The following RBFOX2 variants were observed in gnomAD, a reference collection of about 807,000 sequenced individuals.
The protein encoded by RBFOX2 is RNA binding fox-1 homolog 2.
In RBFOX2, 10 loss-of-function variants were observed where a neutral mutation model predicts 49.1. The observed-to-expected ratio is 0.20, with a 90% confidence interval of 0.13 to 0.35. The LOEUF (loss-of-function observed/expected upper bound fraction) is 0.35. Among genes scored for constraint, RBFOX2 ranks in the 10% least tolerant of loss-of-function variants. RBFOX2 has a pLI of 1.00. For missense variants in RBFOX2, 323 were observed against 486.9 expected, an observed-to-expected ratio of 0.66 and a Z score of 3.17; for synonymous variants, 183 against 187.4, an observed-to-expected ratio of 0.98 and a Z score of 0.19.
chr22:36,014,957 G>A (rs74858127), intron 1 of RBFOX2, among the ~76,000 whole-genome samples: 4,523 of 152,284 alleles, frequency 0.03, 106 homozygotes, highest in Non-Finnish European at 0.043. Context: ...AGCCAGCTCA[G>A]AGCTAAAATG....
chr22:35,772,558 G>A (rs369598734), intron 4 of RBFOX2, among the ~76,000 whole-genome samples: 2 of 152,104 alleles, frequency 1.3e-5, no homozygotes, highest in African/African-American at 4.8e-5. Context: ...CCACTGTGCT[G>A]GGCAATGCAG....
intron 1 of RBFOX2, among the ~76,000 whole-genome samples, chr22:35,981,369 G>A (rs1046615042): frequency 7.2e-5 from 11 of 152,220 alleles, no homozygotes; most frequent in African/African-American, 2.2e-4. Context: ...TCAGCCAGGC[G>A]TGGTGGCTCA....
chr22:35,969,265 T>G (rs138867792), intron 1 of RBFOX2, among the ~76,000 whole-genome samples: 1,916 of 151,860 alleles, frequency 0.013, 26 homozygotes, highest in Non-Finnish European at 0.018. Flanking sequence ...AAATTTCCAT[T>G]AATTAAAAAA....
chr22:35,837,011 C>T (rs1314541782), intron 1 of RBFOX2, among the ~76,000 whole-genome samples: 3 of 152,024 alleles, frequency 2.0e-5, no homozygotes, highest in Admixed American at 1.3e-4. Context: ...CATGAACAGC[C>T]GATAAAATTA....
intron 1 of RBFOX2, chr22:35,897,527 C>A (rs978984265): frequency 1.2e-6 from 1 of 826,904 alleles, no homozygotes; most frequent in South Asian, 1.3e-5. Flanking sequence ...GCAAGGGGTA[C>A]GGGAGGAAGT....
At chr22:35,990,938 C>T (rs2057953086) in intron 1 of RBFOX2, among the ~76,000 whole-genome samples, 1 of 152,038 alleles carries the variant, frequency 6.6e-6, no homozygotes, top group Non-Finnish European at 1.5e-5. Flanking sequence ...ATACTAATCT[C>T]TGTAATACAG....
rs971773875 is a variant in RBFOX2 at position 35,818,239 on chromosome 22, T to C, written c.28-8235A>G. ...CCTCAAACATTCATGAATCATGTCT[T>C]CCACTGGCAACAACAGACAGCAAGA... On this transcript the variant is annotated intron_variant, in intron 1 of 11. Coordinates refer to ENST00000405409, the Ensembl canonical transcript of RBFOX2. Among the ~76,000 whole-genome samples, 6 of 152,330 alleles carry C rather than the reference T, an allele frequency of 3.9e-5. No homozygotes were observed. The East Asian group carries it at 1.2e-3, about 29-fold the overall frequency.
intron 1 of RBFOX2, among the ~76,000 whole-genome samples, chr22:35,856,672 A>G (rs1422802599): frequency 6.6e-6 from 1 of 150,910 alleles, no homozygotes; most frequent in East Asian, 1.9e-4. Flanking sequence ...CTTGAGCTGG[A>G]AGGATGAGGA....
chr22:35,988,528 A>G (rs1308167267), intron 1 of RBFOX2, among the ~76,000 whole-genome samples: 1 of 152,176 alleles, frequency 6.6e-6, no homozygotes, highest in African/African-American at 2.4e-5. Flanking sequence ...AAAGATTCCC[A>G]AAGGTTTATT....
In RBFOX2 at chr22:35,810,012, AAAC is replaced by A; in HGVS notation, c.28-11_28-9del. ...TGTCGGCTCCTGGTTACCCTAAAAC[AAAC>A]AACAAGAGAAAGAAAAAGTGACTTT... On this transcript the variant is annotated splice_polypyrimidine_tract_variant and intron_variant, in intron 1 of 11. Transcript: ENST00000405409. 2 of 1,613,342 alleles carry A rather than the reference AAAC, an allele frequency of 1.2e-6. No homozygotes were observed. The highest frequency in any genetic ancestry group is 1.3e-5 in the African/African-American group (1 of 74,992).
chr22:35,756,416 T>G (rs1190535720), intron 9 of RBFOX2, among the ~76,000 whole-genome samples: 1 of 152,146 alleles, frequency 6.6e-6, no homozygotes, highest in Non-Finnish European at 1.5e-5. Flanking sequence ...ATTCACACAA[T>G]AAAAAGCACT....
At chr22:35,831,973 A>G (rs1342255449) in intron 1 of RBFOX2, among the ~76,000 whole-genome samples, 1 of 152,214 alleles carries the variant, frequency 6.6e-6, no homozygotes, top group Non-Finnish European at 1.5e-5. Context: ...TAGTGGAGAG[A>G]AAAACAATAT....
chr22:35,977,722 C>CTATAGATATAGA (rs1289842750), intron 1 of RBFOX2, among the ~76,000 whole-genome samples: 4 of 80,842 alleles, frequency 4.9e-5, no homozygotes, highest in African/African-American at 1.9e-4. Flanking sequence ...CCTGAATGAA[C>CTATAGATATAGA]TATATATATA....
At position 35,889,006 on chromosome 22, in the gene RBFOX2, T is replaced by C. The variant is rs563377923; in HGVS notation, c.-34+49841A>G. Among the ~76,000 whole-genome samples, 164 of 151,968 alleles carry C rather than the reference T, an allele frequency of 1.1e-3. 1 individual carries two copies. Among genetic ancestry groups the C allele is most frequent in the African/African-American group, 3.8e-3 (156 of 41,410 alleles). On this transcript the variant is annotated intron_variant, in intron 1 of 13. Transcript: ENST00000359369. Reference sequence around the variant, plus strand: ...TCCATATCTATTAAAAATACAAAAATTAGCTCGGCGTGGTGTGGGTGCCTG... The same window carrying C: ...TCCATATCTATTAAAAATACAAAAACTAGCTCGGCGTGGTGTGGGTGCCTG...
At chr22:35,984,817 C>T (rs1186795492) in intron 1 of RBFOX2, among the ~76,000 whole-genome samples, 3 of 152,154 alleles carry the variant, frequency 2.0e-5, no homozygotes, top group Non-Finnish European at 4.4e-5. Context: ...ACACCCTTAC[C>T]CAGTCTGCAT....
Position 35,888,440 on chromosome 22 carries a change from C to T in RBFOX2, c.-34+50407G>A, listed in dbSNP as rs369060753. On this transcript the variant is annotated intron_variant, in intron 1 of 13. Transcript: ENST00000359369. ...TGGTCTAGTCTACTACATACCTAGGCTATACAATACAGCCCATTGCTCTAG... is the reference window on the plus strand; with the variant it reads ...TGGTCTAGTCTACTACATACCTAGGTTATACAATACAGCCCATTGCTCTAG... 4.6e-5 allele frequency among the ~76,000 whole-genome samples: 7 copies of T among 152,186 alleles called. No individual in the cohort carries two copies. The East Asian group carries it at 9.6e-4, about 21-fold the overall frequency.
At chr22:35,840,048 G>A (rs1048290097) in intron 1 of RBFOX2, 1 of 1,150,240 alleles carries the variant, frequency 8.7e-7, no homozygotes, top group African/African-American at 1.5e-5. Context: ...AACAGACACA[G>A]ACTTTTCAGC....
At chr22:35,824,637 TAAGA>T (rs1448098639) in intron 1 of RBFOX2, among the ~76,000 whole-genome samples, 2 of 152,160 alleles carry the variant, frequency 1.3e-5, no homozygotes, top group Admixed American at 1.3e-4. Context: ...TATCTCAACT[TAAGA>T]AAGGTGGCCT....
chr22:35,884,197 A>G (rs2046294380), intron 1 of RBFOX2, among the ~76,000 whole-genome samples: 1 of 151,752 alleles, frequency 6.6e-6, no homozygotes, highest in South Asian at 2.1e-4. Flanking sequence ...GGGTTTTGCT[A>G]TGTTGCCCAG....
Sources: allele counts gnomAD v4.1 joint callset (sites outside exome capture counted in the v4.1 genomes callset), GRCh38; gene constraint gnomAD v4.1.1; transcripts MANE v1.5; gene names NCBI Gene and HGNC (gene_info 2026-07-23, HGNC 2026-07-21).